Variants in PTPRD observed in about 807,000 individuals in gnomAD.
PTPRD encodes receptor-type tyrosine-protein phosphatase delta.
A neutral mutation model predicts 214.5 loss-of-function variants in PTPRD; 34 were observed. The observed-to-expected ratio is 0.16, with a 90% CI of 0.12 to 0.21. The LOEUF is 0.21. Ranked by LOEUF, PTPRD falls within the 10% of genes least tolerant of loss-of-function variation. The probability of loss-of-function intolerance (pLI) is 1.00; values close to 1 mark genes in which losing one functional copy is unlikely to be tolerated. For missense variants in PTPRD, 2,545 were observed against 2,398.7 expected, an observed-to-expected ratio of 1.06 and a Z score of -1.27; for synonymous variants, 1,128 against 845.7, an observed-to-expected ratio of 1.33 and a Z score of -5.79.
At chr9:10,387,684 A>G (rs1474064837) in intron 2 of PTPRD, among the ~76,000 whole-genome samples, 1 of 151,764 alleles carries the variant, frequency 6.6e-6, no homozygotes, top group African/African-American at 2.4e-5. Flanking sequence ...TTGGTACATG[A>G]CAAATGAAAG....
intron 6 of PTPRD, among the ~76,000 whole-genome samples, chr9:9,763,103 T>C (rs530799842): frequency 1.3e-5 from 2 of 152,328 alleles, no homozygotes; most frequent in South Asian, 4.1e-4. Context: ...GATCCCACCT[T>C]TATGACCTCA....
At chr9:9,620,629 C>G (rs898291361) in intron 7 of PTPRD, among the ~76,000 whole-genome samples, 1 of 152,058 alleles carries the variant, frequency 6.6e-6, no homozygotes, top group African/African-American at 2.4e-5. Flanking sequence ...CTTTCAACAT[C>G]AATTTGAAGG....
Position 9,432,047 on chromosome 9 carries a change from T to TATAATG in PTPRD, c.-236-34566_-236-34565insCATTAT, listed in dbSNP as rs1248690995. On this transcript the variant is annotated intron_variant, in intron 8 of 45. Transcript: ENST00000381196. ...TGTACATGTACCCTAGAACTTAAAG[T>TATAATG]ATAATAATAATAATAATAATAATAA... Among the ~76,000 whole-genome samples the TATAATG allele has an allele frequency of 5.8e-5, 8 of 138,420 alleles. No homozygotes were observed. The East Asian group carries it at 1.7e-3, about 29-fold the overall frequency. The allele number at this position is 138,420 out of a possible 152,430, so 90.8% of individuals were successfully genotyped here.
intron 8 of PTPRD, among the ~76,000 whole-genome samples, chr9:9,461,902 C>G (rs1343447754): frequency 6.6e-6 from 1 of 152,134 alleles, no homozygotes; most frequent in Non-Finnish European, 1.5e-5. Context: ...ATACTATCTC[C>G]TCAGCTTCTT....
At chr9:9,110,623 C>T (rs113422249) in intron 10 of PTPRD, among the ~76,000 whole-genome samples, 3 of 152,088 alleles carry the variant, frequency 2.0e-5, no homozygotes, top group African/African-American at 4.8e-5. Flanking sequence ...CTACTTCTTA[C>T]CCACCCATCA....
At chr9:9,654,090 G>T (rs932607629) in intron 7 of PTPRD, among the ~76,000 whole-genome samples, 13 of 152,040 alleles carry the variant, frequency 8.6e-5, no homozygotes, top group Non-Finnish European at 1.9e-4. Context: ...AATGGGCTGG[G>T]TTCTGATAAT....
At chr9:9,891,600 T>C (rs1463928848) in intron 5 of PTPRD, among the ~76,000 whole-genome samples, 3 of 152,152 alleles carry the variant, frequency 2.0e-5, no homozygotes, top group African/African-American at 7.2e-5. Context: ...TACAGGTCTA[T>C]TCCACTTCAT....
chr9:8,756,733 T>G (rs1003190442), intron 11 of PTPRD, among the ~76,000 whole-genome samples: 2 of 152,126 alleles, frequency 1.3e-5, no homozygotes, highest in Non-Finnish European at 2.9e-5. Flanking sequence ...TTCAGAAGCA[T>G]GTATTTTCTT....
chr9:9,584,380 T>TATTATTA (rs1214049296), intron 7 of PTPRD, among the ~76,000 whole-genome samples: 1 of 151,368 alleles, frequency 6.6e-6, no homozygotes, highest in African/African-American at 2.4e-5. Context: ...TTATTATTAT[T>TATTATTA]TGCTATGCTA....
intron 3 of PTPRD, among the ~76,000 whole-genome samples, chr9:10,313,398 A>G (rs1166107446): frequency 1.4e-5 from 1 of 71,946 alleles, no homozygotes; most frequent in Non-Finnish European, 2.4e-5. Context: ...GGTACAGATT[A>G]CACACACACA....
At position 8,622,592 on chromosome 9, in the gene PTPRD, G is replaced by A. The variant is rs541326370; in HGVS notation, c.352+10725C>T. On this transcript the variant is annotated intron_variant, in intron 14 of 45. Transcript: ENST00000381196. ...GAGATTGTAGCTTCCTTGAAGGCAA[G>A]TGGGGGTAGTTTCTTTCCATCTTTT... Among the ~76,000 whole-genome samples, 7 of 152,056 alleles carry A rather than the reference G, an allele frequency of 4.6e-5. No individual in the cohort carries two copies. The East Asian group carries it at 9.7e-4, about 21-fold the overall frequency.
At chr9:9,947,072 G>A (rs192242645) in intron 4 of PTPRD, among the ~76,000 whole-genome samples, 1 of 150,398 alleles carries the variant, frequency 6.6e-6, no homozygotes, top group African/African-American at 2.4e-5. Flanking sequence ...TACCACAAAA[G>A]AAATGATCTT....
rs2132497073 is a variant in PTPRD, at chr9:8,341,775, G to A, written c.4865C>T (p.Ala1622Val). The change falls in exon 40 of 46, where the codon GCT becomes GTT. Residue 1622 changes from alanine to valine, a missense_variant. Transcript: ENST00000381196. ...CTGAATGTAGGCATACAAGTTTCTA[G>A]CTGGCACTTCGGTATTTCCACAAGT... Reference protein sequence around the residue: ...AVTCGNTEVPARNLYAYIQKL... With the variant: ...AVTCGNTEVPVRNLYAYIQKL... 1 of 1,613,568 alleles carries A rather than the reference G, an allele frequency of 6.2e-7. No individual in the cohort carries two copies. Among genetic ancestry groups the A allele is most frequent in the Non-Finnish European group, 8.5e-7 (1 of 1,179,720 alleles).
chr9:10,271,703 C>A (rs147190868), intron 3 of PTPRD, among the ~76,000 whole-genome samples: 17 of 151,806 alleles, frequency 1.1e-4, no homozygotes, highest in Middle Eastern at 3.4e-3. Flanking sequence ...CCACCACACC[C>A]GGCTAATTTT....
intron 5 of PTPRD, among the ~76,000 whole-genome samples, chr9:9,789,714 G>A (rs529505159): frequency 2.2e-5 from 3 of 139,348 alleles, no homozygotes; most frequent in Non-Finnish European, 3.0e-5. Context: ...GGAGAATGGC[G>A]TGAACCTGGG....
intron 14 of PTPRD, among the ~76,000 whole-genome samples, chr9:8,575,509 T>C (rs1298954355): frequency 2.6e-5 from 4 of 152,168 alleles, no homozygotes; most frequent in African/African-American, 4.8e-5. Context: ...GGCTAGTAAG[T>C]ATCCTTCGTT....
intron 9 of PTPRD, among the ~76,000 whole-genome samples, chr9:9,294,426 A>C (rs1952289482): frequency 6.6e-6 from 1 of 151,706 alleles, no homozygotes; most frequent in Non-Finnish European, 1.5e-5. Context: ...GGATTGAATA[A>C]ATAAATTCCC....
At chr9:8,999,651 C>T (rs1233218173) in intron 11 of PTPRD, among the ~76,000 whole-genome samples, 1 of 151,814 alleles carries the variant, frequency 6.6e-6, no homozygotes, top group Non-Finnish European at 1.5e-5. Flanking sequence ...AATAAATAAT[C>T]AGTATTATTT....
intron 3 of PTPRD, among the ~76,000 whole-genome samples, chr9:10,095,412 C>G (rs543955559): frequency 1.3e-5 from 2 of 151,438 alleles, no homozygotes; most frequent in African/African-American, 4.8e-5. Flanking sequence ...CCACAACATA[C>G]CTGCATGTCA....
Sources: gnomAD v4.1 joint callset for allele counts (sites outside exome capture counted in the v4.1 genomes callset) on GRCh38, gnomAD v4.1.1 for gene constraint, MANE v1.5 for transcripts, NCBI Gene and HGNC (gene_info 2026-07-23, HGNC 2026-07-21) for gene names.